The following RBMS1 variants were observed in gnomAD, a reference collection of about 807,000 sequenced individuals.
The protein encoded by RBMS1 is RNA-binding motif, single-stranded-interacting protein 1.
In RBMS1, 17 loss-of-function variants were observed where a neutral mutation model predicts 62.3. That is an observed-to-expected ratio of 0.27 (90% confidence interval 0.19 to 0.41). RBMS1 has a LOEUF of 0.41. Among genes scored for constraint, RBMS1 ranks in the 10% least tolerant of loss-of-function variants. The pLI is 1.00. For synonymous variants in RBMS1, 172 were observed against 170.0 expected (o/e 1.01, Z -0.09); for missense variants, 334 against 504.5 (o/e 0.66, Z 3.24).
At chr2:160,336,531 G>T (rs1267183067) in intron 2 of RBMS1, among the ~76,000 whole-genome samples, 1 of 151,974 alleles carries the variant, frequency 6.6e-6, no homozygotes, top group Admixed American at 6.5e-5. Context: ...AATAGAAACA[G>T]AATGCAAATC....
intron 6 of RBMS1, among the ~76,000 whole-genome samples, chr2:160,299,734 A>G (rs1345507518): frequency 6.6e-6 from 1 of 152,150 alleles, no homozygotes; most frequent in Non-Finnish European, 1.5e-5. Flanking sequence ...GGTGATTTCA[A>G]TTTTATTCAT....
intron 2 of RBMS1, among the ~76,000 whole-genome samples, chr2:160,337,682 T>C (rs148914610): frequency 5.1e-4 from 78 of 152,198 alleles, no homozygotes; most frequent in African/African-American, 1.8e-3. Context: ...GAACCACATA[T>C]TTATTCACTG....
intron 1 of RBMS1, among the ~76,000 whole-genome samples, chr2:160,474,580 G>A (rs541784430): frequency 2.6e-5 from 4 of 152,120 alleles, no homozygotes; most frequent in Non-Finnish European, 5.9e-5. Context: ...CGTATTCAAC[G>A]CCACTGAATT....
At chr2:160,282,748 G>A (rs937074508) in intron 9 of RBMS1, 1 of 154,138 alleles carries the variant, frequency 6.5e-6, no homozygotes, top group African/African-American at 2.4e-5. Context: ...GGGTCATGGA[G>A]CCCTCTGAAA....
At chr2:160,386,799 T>G (rs1694604060) in intron 1 of RBMS1, among the ~76,000 whole-genome samples, 1 of 152,222 alleles carries the variant, frequency 6.6e-6, no homozygotes, top group African/African-American at 2.4e-5. Context: ...ATAAGCCACC[T>G]AGTCTACTTT....
intron 1 of RBMS1, among the ~76,000 whole-genome samples, chr2:160,459,812 G>A (rs1451757840): frequency 1.3e-5 from 2 of 152,098 alleles, no homozygotes; most frequent in African/African-American, 2.4e-5. Context: ...AAGGTCTAAT[G>A]CACCTATCTT....
intron 5 of RBMS1, among the ~76,000 whole-genome samples, chr2:160,301,245 T>C (rs1689192481): frequency 6.6e-6 from 1 of 152,218 alleles, no homozygotes; most frequent in South Asian, 2.1e-4. Context: ...GGTTTAAAAT[T>C]AAATTAGTGA....
At chr2:160,292,704 C>T (rs977941983) in intron 6 of RBMS1, among the ~76,000 whole-genome samples, 2 of 152,186 alleles carry the variant, frequency 1.3e-5, no homozygotes, top group African/African-American at 4.8e-5. Context: ...ACTGGCAGAA[C>T]CTGATCGTGA....
intron 4 of RBMS1, among the ~76,000 whole-genome samples, chr2:160,310,933 C>T (rs1019790779): frequency 2.0e-5 from 3 of 151,978 alleles, no homozygotes; most frequent in Admixed American, 2.0e-4. Flanking sequence ...GTGGTTCATG[C>T]CTGTAATCCC....
In RBMS1 at chr2:160,306,678, A is replaced by G. The variant is rs896497012; in HGVS notation, c.403-3191T>C. ...TGGCAGCACATGCCACAAAATAACA[A>G]AGTGTCCATGAATTCTTTTTTTTCT... On this transcript the variant is annotated intron_variant, in intron 4 of 13. Coordinates refer to ENST00000348849, the MANE Select transcript of RBMS1 (RefSeq NM_016836.4). 9.2e-5 allele frequency among the ~76,000 whole-genome samples: 14 copies of G among 151,466 alleles called. 1 individual carries two copies. The highest frequency in any genetic ancestry group is 7.2e-4 in the Admixed American group (11 of 15,216).
At chr2:160,392,886 GA>G (rs962882811) in intron 1 of RBMS1, among the ~76,000 whole-genome samples, 2 of 151,806 alleles carry the variant, frequency 1.3e-5, no homozygotes, top group African/African-American at 4.8e-5. Flanking sequence ...AACAGAGCAA[GA>G]CCCTGTCTCA....
At chr2:160,383,453 T>G (rs1573971560) in intron 1 of RBMS1, among the ~76,000 whole-genome samples, 1 of 75,000 alleles carries the variant, frequency 1.3e-5, no homozygotes, top group Non-Finnish European at 3.4e-5. Context: ...AGACATGAAT[T>G]GGGGGGGGGG....
chr2:160,422,981 T>C (rs62177352), intron 1 of RBMS1, among the ~76,000 whole-genome samples: 32,556 of 152,096 alleles, frequency 0.21, 3,950 homozygotes, highest in East Asian at 0.59. Flanking sequence ...GTAGAGATCA[T>C]TCATTATTTA....
intron 4 of RBMS1, among the ~76,000 whole-genome samples, chr2:160,312,222 G>C (rs1160469885): frequency 6.6e-6 from 1 of 152,136 alleles, no homozygotes; most frequent in African/African-American, 2.4e-5. Context: ...CATTACTTTT[G>C]GAAGAGGGTC....
intron 1 of RBMS1, among the ~76,000 whole-genome samples, chr2:160,448,389 TC>T: frequency 7.0e-6 from 1 of 143,126 alleles, no homozygotes; most frequent in Middle Eastern, 3.4e-3. Context: ...CACTGCAACC[TC>T]CCTGCCTAAT....
At chr2:160,477,765 T>G (rs183849047) in intron 1 of RBMS1, among the ~76,000 whole-genome samples, 99 of 152,322 alleles carry the variant, frequency 6.5e-4, no homozygotes, top group African/African-American at 2.3e-3. Flanking sequence ...ACCCTCACTT[T>G]CCTTTTAGAC....
At chr2:160,354,956 A>AAG (rs1692715940) in intron 2 of RBMS1, among the ~76,000 whole-genome samples, 1 of 152,084 alleles carries the variant, frequency 6.6e-6, no homozygotes, top group Non-Finnish European at 1.5e-5. Context: ...TAGATACACC[A>AAG]TTTATGGAAA....
At chr2:160,352,792 C>G (rs1692589258) in intron 2 of RBMS1, among the ~76,000 whole-genome samples, 2 of 152,086 alleles carry the variant, frequency 1.3e-5, no homozygotes, top group Admixed American at 1.3e-4. Context: ...TAATAGACAG[C>G]TGTATAATAC....
At chr2:160,423,863 G>A (rs1282656101) in intron 1 of RBMS1, among the ~76,000 whole-genome samples, 1 of 152,068 alleles carries the variant, frequency 6.6e-6, no homozygotes, top group African/African-American at 2.4e-5. Context: ...AAGGCCATTT[G>A]TATTGTACTT....
Sources: gnomAD v4.1 joint callset for allele counts (sites outside exome capture counted in the v4.1 genomes callset) on GRCh38, gnomAD v4.1.1 for gene constraint, MANE v1.5 for transcripts, NCBI Gene and HGNC (gene_info 2026-07-23, HGNC 2026-07-21) for gene names.